Variants in CLEC16A observed in about 807,000 individuals in gnomAD.
The protein encoded by CLEC16A is protein CLEC16A.
In CLEC16A, 51 loss-of-function variants were observed where a neutral mutation model predicts 109.5. The ratio of observed to expected loss-of-function variants is 0.47; its 90% CI spans 0.37 to 0.59. CLEC16A has a LOEUF of 0.59. Among genes scored for constraint, CLEC16A ranks in the 20% least tolerant of loss-of-function variants. The probability of loss-of-function intolerance (pLI) is 0.00; values close to 1 mark genes in which losing one functional copy is unlikely to be tolerated. For synonymous variants in CLEC16A, 673 were observed against 564.2 expected (o/e 1.19, Z -2.73); for missense variants, 1,339 against 1,394.0 (o/e 0.96, Z 0.63).
intron 19 of CLEC16A, among the ~76,000 whole-genome samples, chr16:11,119,727 C>T (rs1216675639): frequency 6.6e-6 from 1 of 152,048 alleles, no homozygotes; most frequent in Non-Finnish European, 1.5e-5. Flanking sequence ...TGCTCTGGCT[C>T]TTTGGGCTCT....
At chr16:11,039,140 G>A (rs2047182299) in intron 13 of CLEC16A, among the ~76,000 whole-genome samples, 1 of 152,108 alleles carries the variant, frequency 6.6e-6, no homozygotes, top group South Asian at 2.1e-4. Flanking sequence ...TGTGCTATGG[G>A]ATGGTGTCCC....
chr16:11,137,977 G>T (rs774696387), intron 22 of CLEC16A, among the ~76,000 whole-genome samples: 5 of 152,196 alleles, frequency 3.3e-5, no homozygotes, highest in African/African-American at 1.2e-4. Flanking sequence ...GATTTTCCAC[G>T]TGGCCGTTTC....
intron 16 of CLEC16A, among the ~76,000 whole-genome samples, chr16:11,045,399 C>G (rs1038177798): frequency 8.5e-5 from 13 of 152,118 alleles, no homozygotes; most frequent in African/African-American, 2.9e-4. Flanking sequence ...GCTGGGAAGT[C>G]TAAGATCAAG....
chr16:11,140,428 G>A (rs192117216), intron 22 of CLEC16A, among the ~76,000 whole-genome samples: 11 of 152,314 alleles, frequency 7.2e-5, no homozygotes, highest in Admixed American at 6.5e-4. Context: ...GGAGAAAAAC[G>A]TTCTTTTTTT....
intron 18 of CLEC16A, among the ~76,000 whole-genome samples, chr16:11,060,408 C>A (rs563400980): frequency 4.6e-5 from 7 of 152,366 alleles, no homozygotes; most frequent in Middle Eastern, 3.4e-3. Context: ...TCTGCCCCAC[C>A]CCCGTATTCA....
rs1305703014 is a variant in CLEC16A at position 10,944,782 on chromosome 16, C to G, written c.65C>G (p.Ser22Cys). ...GGCAAGACTTCCCGCAACATCCACT[C>G]CTTGGACCACCTCAAGTGAGTGTGG... ...GHGKTSRNIHSLDHLKYLYHV... is the reference protein window; with the variant it reads ...GHGKTSRNIHCLDHLKYLYHV... The change falls in exon 1 of 24, where the codon TCC becomes TGC. Residue 22 changes from serine (S) to cysteine (C), a missense_variant. Ser to Cys is a moderately radical substitution (Grantham distance 112). Around this residue, in one of 3 missense-constraint regions of CLEC16A, gnomAD observed 117 missense variants for 120.2 expected, o/e 0.97. Transcript: ENST00000409790. 1.2e-6 allele frequency: 2 copies of G among 1,608,818 alleles called. No homozygotes were observed. The highest frequency in any genetic ancestry group is 1.7e-6 in the Non-Finnish European group (2 of 1,178,336).
chr16:10,971,244 T>C lies in CLEC16A; in HGVS notation c.598+14T>C, dbSNP rs201695473. On this transcript the variant is annotated intron_variant, in intron 5 of 23. Coordinates refer to ENST00000409790, the MANE Select transcript of CLEC16A (RefSeq NM_015226.3). ...ATGTCTATAAAGGTAAGTGTCCTCATGGGCTTGTGTCTCGGCTGATTTCTG... is the reference window on the plus strand; with the variant it reads ...ATGTCTATAAAGGTAAGTGTCCTCACGGGCTTGTGTCTCGGCTGATTTCTG... The C allele has an allele frequency of 1.9e-6, 3 of 1,571,464 alleles. No individual in the cohort carries two copies. The South Asian group carries it at 3.4e-5, about 18-fold the overall frequency.
intron 7 of CLEC16A, among the ~76,000 whole-genome samples, chr16:10,973,572 T>C (rs2042895341): frequency 1.3e-5 from 2 of 151,814 alleles, no homozygotes; most frequent in Non-Finnish European, 2.9e-5. Flanking sequence ...AGTATAGGGC[T>C]TTTTTTTCTT....
chr16:11,172,218 A>G (rs2068548374), intron 23 of CLEC16A, among the ~76,000 whole-genome samples: 1 of 152,214 alleles, frequency 6.6e-6, no homozygotes, highest in Non-Finnish European at 1.5e-5. Context: ...AGCCACATTC[A>G]CATACATGCA....
chr16:11,067,231 A>G (rs2048821536), intron 19 of CLEC16A, among the ~76,000 whole-genome samples: 2 of 137,684 alleles, frequency 1.5e-5, no homozygotes, highest in African/African-American at 5.4e-5. Context: ...AGTGCAGACC[A>G]ATTACTCTAG....
rs533695280 is a variant in CLEC16A, at chr16:11,143,599, G to A, written c.2641+17453G>A. On this transcript the variant is annotated intron_variant, in intron 22 of 23. Coordinates refer to ENST00000409790, the MANE Select transcript of CLEC16A (RefSeq NM_015226.3). ...GCTACTGCTGTCAGCTGCATCTGCC[G>A]TCCAGCAGATCGTGGGAGTGTTCCT... Among the ~76,000 whole-genome samples the A allele has an allele frequency of 9.2e-5, 14 of 152,316 alleles. No homozygotes were observed. In the East Asian group the frequency reaches 2.1e-3, roughly 23 times the overall value.
At chr16:11,077,028 C>T (rs1409749202) in intron 19 of CLEC16A, among the ~76,000 whole-genome samples, 2 of 152,208 alleles carry the variant, frequency 1.3e-5, no homozygotes, top group African/African-American at 4.8e-5. Context: ...ATCACAAGGA[C>T]TGATCATTAG....
chr16:10,978,653 C>G (rs1250241871), intron 8 of CLEC16A, among the ~76,000 whole-genome samples: 2 of 152,130 alleles, frequency 1.3e-5, no homozygotes, highest in Non-Finnish European at 2.9e-5. Flanking sequence ...TCCTGAGAGA[C>G]AGAGACAGAG....
Position 11,180,791 on chromosome 16 carries a change from G to A in CLEC16A, c.*2101G>A, listed in dbSNP as rs1055113040. ...CGGGTGGGCCACCAGCCTGCTGTCAGAAGTCTCTGGGCTCCAACTGGTCTT... is the reference window on the plus strand; with the variant it reads ...CGGGTGGGCCACCAGCCTGCTGTCAAAAGTCTCTGGGCTCCAACTGGTCTT... On this transcript the variant is annotated 3_prime_UTR_variant, in exon 24 of 24. Coordinates refer to ENST00000409790, the MANE Select transcript of CLEC16A (RefSeq NM_015226.3). The A allele has an allele frequency of 6.6e-6, 1 of 152,360 alleles. No individual in the cohort carries two copies. The highest frequency in any genetic ancestry group is 1.5e-5 in the Non-Finnish European group (1 of 68,168). The allele number at this position is 152,360 out of a possible 1,614,324, so 9.4% of individuals were successfully genotyped here.
intron 19 of CLEC16A, among the ~76,000 whole-genome samples, chr16:11,067,496 G>A (rs80312459): frequency 0.025 from 3,800 of 152,184 alleles, 157 homozygotes; most frequent in African/African-American, 0.087. Flanking sequence ...GATGAGAGAC[G>A]GCAGTGTGGC....
At chr16:10,952,365 G>C (rs2041779635) in intron 1 of CLEC16A, among the ~76,000 whole-genome samples, 1 of 152,188 alleles carries the variant, frequency 6.6e-6, no homozygotes, top group South Asian at 2.1e-4. Context: ...ATGGTGGCCT[G>C]CGCCTATAAA....
chr16:11,112,951 T>C (rs1421558518), intron 19 of CLEC16A, among the ~76,000 whole-genome samples: 1 of 152,128 alleles, frequency 6.6e-6, no homozygotes, highest in African/African-American at 2.4e-5. Context: ...GAACTCCTCT[T>C]GGTGGGGGCC....
chr16:11,043,895 A>C (rs953615521), intron 15 of CLEC16A, 133 bp from the exon 16 acceptor site: 18 of 570,514 alleles, frequency 3.2e-5, no homozygotes, highest in Middle Eastern at 2.8e-4. Context: ...AAAAAAAAAA[A>C]CACCATTTTA....
chr16:10,958,828 C>T (rs1167877741), intron 2 of CLEC16A, among the ~76,000 whole-genome samples: 5 of 152,034 alleles, frequency 3.3e-5, no homozygotes, highest in Non-Finnish European at 7.4e-5. Context: ...TGCCTGAGCC[C>T]AGGAGGTCCA....
Sources: allele counts gnomAD v4.1 joint callset (sites outside exome capture counted in the v4.1 genomes callset), GRCh38; gene constraint gnomAD v4.1.1; regional missense constraint gnomAD v4.1.1; transcripts MANE v1.5; gene names NCBI Gene and HGNC (gene_info 2026-07-23, HGNC 2026-07-21).